KCNJ10: variants seen among roughly 807,000 people sequenced by gnomAD.
KCNJ10 encodes ATP-sensitive inward rectifier potassium channel 10.
KCNJ10 carries 9 observed loss-of-function variants against 22.2 expected under a neutral mutation model. The observed-to-expected ratio is 0.40, with a 90% CI of 0.24 to 0.71. The LOEUF (loss-of-function observed/expected upper bound fraction) is 0.71, where lower values mean the gene tolerates loss of function less well. Ranked by LOEUF, KCNJ10 falls within the 30% of genes least tolerant of loss-of-function variation. The pLI is 0.35. For missense variants in KCNJ10, 337 were observed against 482.7 expected (o/e 0.70, Z 2.83); for synonymous variants, 184 against 187.3 (o/e 0.98, Z 0.15).
At chr1:160,043,396 T>G (rs1013760981) in intron 1 of KCNJ10, among the ~76,000 whole-genome samples, 1 of 151,924 alleles carries the variant, frequency 6.6e-6, no homozygotes, top group Non-Finnish European at 1.5e-5. Context: ...GTTCAGAGAA[T>G]AGCAGAAACT....
chr1:160,043,570 A>G (rs4354535), intron 1 of KCNJ10, among the ~76,000 whole-genome samples: 86 of 152,330 alleles, frequency 5.6e-4, no homozygotes, highest in Middle Eastern at 3.4e-3. Flanking sequence ...AAAGGAAATA[A>G]GCAGTGGTGG....
intron 1 of KCNJ10, among the ~76,000 whole-genome samples, chr1:160,055,777 C>A (rs1649015176): frequency 6.6e-6 from 1 of 152,144 alleles, no homozygotes; most frequent in Non-Finnish European, 1.5e-5. Context: ...TGTAATCTCT[C>A]CTCTGCACCT....
chr1:160,053,988 C>T (rs193199663), intron 1 of KCNJ10, among the ~76,000 whole-genome samples: 8 of 152,256 alleles, frequency 5.3e-5, no homozygotes, highest in African/African-American at 1.9e-4. Context: ...AGGACCACTG[C>T]CCCTTCCTCC....
chr1:160,057,409 G>A (rs527323863), intron 1 of KCNJ10, among the ~76,000 whole-genome samples: 1 of 152,270 alleles, frequency 6.6e-6, no homozygotes, highest in East Asian at 1.9e-4. Context: ...GTGAGTTGTG[G>A]GGTAAGATTT....
In KCNJ10 at chr1:160,042,075, A is replaced by G. The variant is rs1648620593; in HGVS notation, c.458T>C (p.Leu153Pro). 6.4e-7 allele frequency: 1 copy of G among 1,550,870 alleles called. No homozygotes were observed. The highest frequency in any genetic ancestry group is 8.7e-7 in the Non-Finnish European group (1 of 1,148,574). The change falls in exon 2 of 2, where the codon CTC (leucine) becomes CCC (proline). Residue 153 changes from leucine to proline, a missense_variant. Transcript: ENST00000644903. ...AIVLLIAQLV[L>P]TTILEIFITG... is the part of the protein sequence containing the mutation. ...GATGAAGATTTCCAGGATGGTGGTGAGCACCAGCTGGGCAATAAGAAGCAC... is the reference window on the plus strand; with the variant it reads ...GATGAAGATTTCCAGGATGGTGGTGGGCACCAGCTGGGCAATAAGAAGCAC...
intron 1 of KCNJ10, among the ~76,000 whole-genome samples, chr1:160,061,930 A>T (rs1649206586): frequency 6.6e-6 from 1 of 151,896 alleles, no homozygotes; most frequent in Non-Finnish European, 1.5e-5. Flanking sequence ...GTGTCTCTGC[A>T]TATATGAGCC....
At chr1:160,067,548 C>T (rs947563950) in intron 1 of KCNJ10, among the ~76,000 whole-genome samples, 9 of 152,226 alleles carry the variant, frequency 5.9e-5, no homozygotes, top group African/African-American at 1.9e-4. Flanking sequence ...CTGCCCCCTT[C>T]CAGGGCCCCA....
intron 1 of KCNJ10, among the ~76,000 whole-genome samples, chr1:160,043,316 A>ACAC (rs1557968547): frequency 3.3e-4 from 47 of 142,480 alleles, no homozygotes; most frequent in Admixed American, 4.1e-4. Flanking sequence ...CACACACACA[A>ACAC]CCTTAATTTC....
chr1:160,056,565 A>G (rs904156133), intron 1 of KCNJ10, among the ~76,000 whole-genome samples: 4 of 151,792 alleles, frequency 2.6e-5, no homozygotes, highest in African/African-American at 9.7e-5. Flanking sequence ...TGCTCTCTCC[A>G]CTGTGGAGCC....
rs77797340 is a variant in KCNJ10, at chr1:160,067,403, C to T, written c.-1+2619G>A. On this transcript the variant is annotated intron_variant, in intron 1 of 1. Transcript: ENST00000644903. ...TGCTGGAGAGACCGAAGTGACATGG[C>T]AAACTCCCATTCCCAGGAGCTGCCC... 9.3e-4 allele frequency among the ~76,000 whole-genome samples: 142 copies of T among 152,338 alleles called. 2 individuals are homozygous for T. In the East Asian group the frequency reaches 0.024, roughly 26 times the overall value.
chr1:160,052,152 T>A (rs1280243208), intron 1 of KCNJ10, among the ~76,000 whole-genome samples: 1 of 152,208 alleles, frequency 6.6e-6, no homozygotes, highest in Non-Finnish European at 1.5e-5. Context: ...AAAAGAGCCT[T>A]TTGATTGAGG....
At chr1:160,056,608 C>G (rs1571272568) in intron 1 of KCNJ10, among the ~76,000 whole-genome samples, 1 of 152,348 alleles carries the variant, frequency 6.6e-6, no homozygotes, top group South Asian at 2.1e-4. Flanking sequence ...TAGTTACTCT[C>G]CCTCTATGTT....
At position 160,039,353 on chromosome 1, in the gene KCNJ10, G is replaced by C. The variant is rs2486254; in HGVS notation, c.*2040C>G. ...AATAAACCAGATGGAGGTTAACTTG[G>C]CAATGGATAGGAAGGTATAGACACA... On this transcript the variant is annotated 3_prime_UTR_variant, in exon 2 of 2. Transcript: ENST00000644903. 151,019 of 151,376 alleles carry C rather than the reference G, an allele frequency of 1. 75,333 individuals are homozygous for C. Among genetic ancestry groups the C allele is most frequent in the Middle Eastern group, 1 (296 of 296 alleles). The allele number at this position is 151,376 out of a possible 1,614,324, so 9.4% of individuals were successfully genotyped here. A position where few individuals can be genotyped will look rare whatever the true frequency, so the allele number is the denominator to read the frequency against.
intron 1 of KCNJ10, among the ~76,000 whole-genome samples, chr1:160,054,147 C>T (rs1354797462): frequency 6.6e-6 from 1 of 152,222 alleles, no homozygotes; most frequent in Non-Finnish European, 1.5e-5. Flanking sequence ...CAAGTGGGTG[C>T]TGCCTCTTTG....
chr1:160,048,361 A>G (rs528430940), intron 1 of KCNJ10, among the ~76,000 whole-genome samples: 1 of 145,366 alleles, frequency 6.9e-6, no homozygotes, highest in Non-Finnish European at 1.5e-5. Flanking sequence ...AAGAAAATAA[A>G]AGCCCAAGAT....
rs571511216 is a variant in KCNJ10, at chr1:160,041,217, G to A, written c.*176C>T. On this transcript the variant is annotated 3_prime_UTR_variant, in exon 2 of 2. Transcript: ENST00000644903. This position sits in a 1 kb window ranked among gnomAD's most constrained non-coding sequence, Gnocchi z 4.4. ...GCTGGGGAAGTGGAAAGGGGACAGT[G>A]GGAGGCGAACCTGGACTCCAGTTGG... The A allele has an allele frequency of 7.5e-5, 49 of 654,240 alleles. 1 individual carries two copies. In the South Asian group the frequency reaches 8.2e-4, roughly 11 times the overall value. 40.5% of individuals were successfully genotyped at this position (654,240 alleles called of 1,614,324 possible).
chr1:160,047,818 A>T (rs986583900), intron 1 of KCNJ10, among the ~76,000 whole-genome samples: 8 of 151,970 alleles, frequency 5.3e-5, no homozygotes, highest in Admixed American at 2.0e-4. Flanking sequence ...TCAGCTCGCT[A>T]CAACCTCTGC....
intron 1 of KCNJ10, among the ~76,000 whole-genome samples, chr1:160,069,361 C>G (rs539987823): frequency 1.3e-5 from 2 of 152,316 alleles, no homozygotes; most frequent in East Asian, 3.9e-4. Context: ...CCTTCTCACT[C>G]TAGCAGAAGT....
At chr1:160,067,767 G>C (rs1649355094) in intron 1 of KCNJ10, 1 of 152,170 alleles carries the variant, frequency 6.6e-6, no homozygotes, top group Non-Finnish European at 1.5e-5. Context: ...TTTCCATCTT[G>C]TGTGCAGAAA....
Sources: gnomAD v4.1 joint callset for allele counts (sites outside exome capture counted in the v4.1 genomes callset) on GRCh38, gnomAD v4.1.1 for gene constraint, Gnocchi (gnomAD v3.1) non-coding constraint, MANE v1.5 for transcripts, NCBI Gene and HGNC (gene_info 2026-07-23, HGNC 2026-07-21) for gene names.